The following TRPM3 variants were observed in gnomAD, a reference collection of about 807,000 sequenced individuals.
The protein encoded by TRPM3 is long transient receptor potential channel 3.
In TRPM3, 77 loss-of-function variants were observed where a neutral mutation model predicts 181.2. The observed-to-expected ratio is 0.42, with a 90% CI of 0.35 to 0.51. The LOEUF is 0.51. Among genes scored for constraint, TRPM3 ranks in the 20% least tolerant of loss-of-function variants. The pLI is 0.01. For synonymous variants in TRPM3, 745 were observed against 796.4 expected, an observed-to-expected ratio of 0.94 and a Z score of 1.09; for missense variants, 1,759 against 2,196.7, an observed-to-expected ratio of 0.80 and a Z score of 3.98.
intron 1 of TRPM3, among the ~76,000 whole-genome samples, chr9:70,934,746 T>C (rs1025095957): frequency 1.6e-4 from 24 of 152,214 alleles, no homozygotes; most frequent in African/African-American, 5.1e-4. Context: ...AATATCTTTG[T>C]TTCTGTTGTC....
At chr9:71,262,696 G>T (rs2083145298) in intron 1 of TRPM3, among the ~76,000 whole-genome samples, 2 of 152,224 alleles carry the variant, frequency 1.3e-5, no homozygotes, top group Admixed American at 1.3e-4. Flanking sequence ...TCTGTGGGTT[G>T]TGAAGACCGT....
intron 1 of TRPM3, among the ~76,000 whole-genome samples, chr9:71,171,185 A>C (rs1265950560): frequency 6.6e-6 from 1 of 152,200 alleles, no homozygotes; most frequent in Non-Finnish European, 1.5e-5. Flanking sequence ...TCTCCTGACA[A>C]GATGTTATAA....
chr9:70,812,012 T>C (rs919141146), intron 6 of TRPM3, among the ~76,000 whole-genome samples: 6 of 152,226 alleles, frequency 3.9e-5, no homozygotes, highest in Admixed American at 2.0e-4. Flanking sequence ...TTGGTTATTG[T>C]TTCCCAAACT....
At chr9:70,641,593 TTTAAA>T (rs2058069696) in intron 9 of TRPM3, among the ~76,000 whole-genome samples, 1 of 152,204 alleles carries the variant, frequency 6.6e-6, no homozygotes, top group Admixed American at 6.5e-5. Flanking sequence ...GGTGGCTAAG[TTTAAA>T]TTAATCAAAA....
At chr9:71,066,682 G>T (rs567117777) in intron 1 of TRPM3, among the ~76,000 whole-genome samples, 143 of 152,272 alleles carry the variant, frequency 9.4e-4, no homozygotes, top group African/African-American at 3.3e-3. Context: ...GTTAATTACT[G>T]CTGACTAGCA....
intron 6 of TRPM3, among the ~76,000 whole-genome samples, chr9:70,796,989 G>A (rs1033152784): frequency 6.6e-6 from 1 of 152,098 alleles, no homozygotes; most frequent in Non-Finnish European, 1.5e-5. Context: ...AGTTAGCTGG[G>A]CATGGTGGTA....
chr9:71,213,122 A>C (rs2079612326), intron 1 of TRPM3, among the ~76,000 whole-genome samples: 1 of 152,232 alleles, frequency 6.6e-6, no homozygotes, highest in South Asian at 2.1e-4. Context: ...TTTACAGGCC[A>C]TACAATCTCT....
At chr9:70,694,208 T>C (rs538432909) in intron 8 of TRPM3, among the ~76,000 whole-genome samples, 1 of 152,344 alleles carries the variant, frequency 6.6e-6, no homozygotes, top group East Asian at 1.9e-4. Flanking sequence ...TATGAGGTCC[T>C]TTTAGTATGG....
intron 1 of TRPM3, among the ~76,000 whole-genome samples, chr9:71,271,506 C>T (rs1230187447): frequency 6.6e-6 from 1 of 151,998 alleles, no homozygotes; most frequent in Non-Finnish European, 1.5e-5. Context: ...ATATAAATCC[C>T]TTTCTCAACC....
At chr9:71,114,380 C>A (rs1277019433) in intron 1 of TRPM3, among the ~76,000 whole-genome samples, 1 of 152,122 alleles carries the variant, frequency 6.6e-6, no homozygotes, top group Non-Finnish European at 1.5e-5. Flanking sequence ...TGAACCACCC[C>A]ACCCCAGCAG....
At chr9:71,153,003 G>A (rs2134639658) in intron 1 of TRPM3, among the ~76,000 whole-genome samples, 1 of 152,212 alleles carries the variant, frequency 6.6e-6, no homozygotes, top group Non-Finnish European at 1.5e-5. Context: ...CCCTGTCATA[G>A]TGGCCAATGG....
intron 1 of TRPM3, among the ~76,000 whole-genome samples, chr9:71,360,761 A>G (rs2092106907): frequency 6.6e-6 from 1 of 152,178 alleles, no homozygotes; most frequent in South Asian, 2.1e-4. Flanking sequence ...TCTAAACAAG[A>G]TTTAATGCCC....
intron 22 of TRPM3, among the ~76,000 whole-genome samples, chr9:70,553,557 G>A (rs1394814344): frequency 6.6e-6 from 1 of 152,168 alleles, no homozygotes; most frequent in Non-Finnish European, 1.5e-5. Context: ...AGAAGAGGGG[G>A]GTGGAGCCAC....
At chr9:70,551,014 C>T (rs765089095) in intron 24 of TRPM3, among the ~76,000 whole-genome samples, 16 of 152,158 alleles carry the variant, frequency 1.1e-4, no homozygotes, top group Non-Finnish European at 2.1e-4. Context: ...TGCTGCTATG[C>T]TATTGCTATA....
intron 1 of TRPM3, among the ~76,000 whole-genome samples, chr9:71,334,333 C>T (rs1181930714): frequency 1.3e-5 from 2 of 151,682 alleles, no homozygotes; most frequent in Non-Finnish European, 2.9e-5. Context: ...ATTATTTTTC[C>T]ATTTTTAAAT....
intron 21 of TRPM3, among the ~76,000 whole-genome samples, chr9:70,596,502 C>G (rs1015782263): frequency 6.6e-6 from 1 of 151,994 alleles, no homozygotes; most frequent in South Asian, 2.1e-4. Flanking sequence ...GAGGCTGAGG[C>G]GGGTGGATCA....
Position 70,780,633 on chromosome 9 carries a change from T to C in TRPM3, c.1148+3472A>G, listed in dbSNP as rs1360247575. Among the ~76,000 whole-genome samples, 72 of 152,160 alleles carry C rather than the reference T, an allele frequency of 4.7e-4. 1 individual carries two copies. Among genetic ancestry groups the C allele is most frequent in the Non-Finnish European group, 3.4e-4 (23 of 68,008 alleles). On this transcript the variant is annotated intron_variant, in intron 7 of 25. Coordinates refer to ENST00000677713, the MANE Select transcript of TRPM3 (RefSeq NM_001366145.2). The stretch of plus-strand genomic sequence containing the variant: ...ACATGTGTGGCTAGACAATTTCTTA[T>C]CAAGCTAAATAAACATGATTAAATT...
intron 1 of TRPM3, among the ~76,000 whole-genome samples, chr9:71,118,797 G>C (rs1476470263): frequency 3.3e-5 from 5 of 151,874 alleles, no homozygotes; most frequent in Admixed American, 3.3e-4. Flanking sequence ...GAGGGAGGTG[G>C]AACAAGAGAG....
chr9:71,441,927 G>A (rs556475694), intron 1 of TRPM3, among the ~76,000 whole-genome samples: 64 of 152,204 alleles, frequency 4.2e-4, no homozygotes, highest in African/African-American at 1.4e-3. Context: ...CACTGTGCCC[G>A]GCCTTCTTCA....
Sources: allele counts gnomAD v4.1 joint callset (sites outside exome capture counted in the v4.1 genomes callset), GRCh38; gene constraint gnomAD v4.1.1; transcripts MANE v1.5; gene names NCBI Gene and HGNC (gene_info 2026-07-23, HGNC 2026-07-21).